The following ANKRD44 variants were observed in gnomAD, a reference collection of about 807,000 sequenced individuals.
The protein encoded by ANKRD44 is serine/threonine-protein phosphatase 6 regulatory ankyrin repeat subunit B.
Under a neutral mutation model 116.0 loss-of-function variants are expected in ANKRD44, and 35 were observed. That is an observed-to-expected ratio of 0.30 (90% CI 0.23 to 0.40). The LOEUF is 0.40. Among genes scored for constraint, ANKRD44 ranks in the 10% least tolerant of loss-of-function variants. The pLI, the probability that ANKRD44 is intolerant of heterozygous loss-of-function variation, is 1.00. For missense variants in ANKRD44, 1,014 were observed against 1,242.6 expected (o/e 0.82, Z 2.77); for synonymous variants, 435 against 461.8 (o/e 0.94, Z 0.74).
At position 197,194,152 on chromosome 2, in the gene ANKRD44, C is replaced by T. The variant is rs1574246825; in HGVS notation, c.28-7046G>A. ...CAACACCACCTCTAAAGCAGAGGGG[C>T]CCATCATATTGGGAGAGAAGCTTTT... On this transcript the variant is annotated intron_variant, in intron 1 of 27. Coordinates refer to ENST00000282272, the MANE Select transcript of ANKRD44 (RefSeq NM_001195144.2). 3.3e-5 allele frequency among the ~76,000 whole-genome samples: 5 copies of T among 152,252 alleles called. 1 individual carries two copies. Among genetic ancestry groups the T allele is most frequent in the Admixed American group, 3.3e-4 (5 of 15,302 alleles).
At chr2:197,133,664 C>T (rs1202910640) in intron 4 of ANKRD44, among the ~76,000 whole-genome samples, 1 of 152,176 alleles carries the variant, frequency 6.6e-6, no homozygotes, top group Non-Finnish European at 1.5e-5. Flanking sequence ...CAGCTGAAAC[C>T]ATATATCCAT....
rs897054588 is a variant in ANKRD44, at chr2:196,987,856, A to G, written c.*1735T>C. On this transcript the variant is annotated 3_prime_UTR_variant, in exon 28 of 28. Coordinates refer to ENST00000282272, the MANE Select transcript of ANKRD44 (RefSeq NM_001195144.2). Reference sequence around the variant, plus strand: ...TAAAAACACATTTTTTTTTCTTAGAAAGCTATGGTGCAAACATAATTTTAT... The same window carrying G: ...TAAAAACACATTTTTTTTTCTTAGAGAGCTATGGTGCAAACATAATTTTAT... The G allele has an allele frequency of 1.0e-6, 1 of 983,526 alleles. No homozygotes were observed. Among genetic ancestry groups the G allele is most frequent in the Non-Finnish European group, 1.2e-6 (1 of 828,208 alleles). The allele number at this position is 983,526 out of a possible 1,614,324, so 60.9% of individuals were successfully genotyped here. A position where few individuals can be genotyped will look rare whatever the true frequency, so the allele number is the denominator to read the frequency against.
In ANKRD44 at chr2:197,212,048, T is replaced by TCACA. The variant is rs769631031; in HGVS notation, c.28-24943_28-24942insTGTG. Among the ~76,000 whole-genome samples, 1,868 of 118,358 alleles carry TCACA rather than the reference T, an allele frequency of 0.016. 29 individuals carry two copies. Among genetic ancestry groups the TCACA allele is most frequent in the South Asian group, 0.054 (156 of 2,878 alleles). 77.6% of individuals were successfully genotyped at this position (118,358 alleles called of 152,430 possible). A position where few individuals can be genotyped will look rare whatever the true frequency, so the allele number is the denominator to read the frequency against. On this transcript the variant is annotated intron_variant, in intron 1 of 27. Coordinates refer to ENST00000282272, the MANE Select transcript of ANKRD44 (RefSeq NM_001195144.2). This position sits in a 1 kb window ranked among gnomAD's most constrained non-coding sequence, Gnocchi z 4.8. ...CTCTCTCTCTCTCTCAGTCTCTCTCTCTCTCACACACACACACACACACAC... is the reference window on the plus strand; with the variant it reads ...CTCTCTCTCTCTCTCAGTCTCTCTCTCACACTCTCACACACACACACACACACAC...
chr2:196,982,580 A>T (rs892150877), downstream of ANKRD44, among the ~76,000 whole-genome samples: 1 of 152,052 alleles, frequency 6.6e-6, no homozygotes, highest in African/African-American at 2.4e-5. Flanking sequence ...CCCAAACTCT[A>T]CTGTTTACTT....
Position 197,221,493 on chromosome 2 carries a change from G to A in ANKRD44, c.28-34387C>T, listed in dbSNP as rs569723052. Among the ~76,000 whole-genome samples the A allele has an allele frequency of 6.4e-4, 97 of 152,208 alleles. 4 individuals are homozygous for A. The South Asian group carries it at 8.7e-3, about 14-fold the overall frequency. On this transcript the variant is annotated intron_variant, in intron 1 of 27. Transcript: ENST00000282272. The stretch of plus-strand genomic sequence containing the variant: ...TCATCTCACTATGTTGCTTAGGCTG[G>A]AAATCTTTTTTAATGTAATATTTTA...
Position 197,122,726 on chromosome 2 carries a change from C to A in ANKRD44, c.617G>T (p.Gly206Val), listed in dbSNP as rs755287066. Residue 206 changes from glycine to valine, a missense_variant, in exon 7 of 28, where the codon GGT (glycine) becomes GTT (valine). Coordinates refer to ENST00000282272, the MANE Select transcript of ANKRD44 (RefSeq NM_001195144.2). ...GGCTGCAGCATGCAGAGGGGTATAA[C>A]CCTTCTTATCCTTACAGGTCACTTC... ...GAEVTCKDKK[G>V]YTPLHAAASN... The A allele has an allele frequency of 1.9e-6, 3 of 1,614,172 alleles. No homozygotes were observed. The highest frequency in any genetic ancestry group is 1.3e-5 in the African/African-American group (1 of 75,046).
intron 4 of ANKRD44, among the ~76,000 whole-genome samples, chr2:197,131,879 G>A (rs753617290): frequency 1.3e-5 from 2 of 152,108 alleles, no homozygotes; most frequent in South Asian, 2.1e-4. Flanking sequence ...TGTACATTTC[G>A]TTCCTTTCCC....
intron 1 of ANKRD44, 143 bp downstream of exon 1, chr2:197,310,435 G>A (rs2084217864): frequency 9.3e-6 from 4 of 430,444 alleles, no homozygotes; most frequent in Non-Finnish European, 1.2e-5. Flanking sequence ...GGCTCTCGGA[G>A]GCACCGGCGG....
intron 1 of ANKRD44, among the ~76,000 whole-genome samples, chr2:197,262,099 C>T (rs2082620590): frequency 6.6e-6 from 1 of 152,210 alleles, no homozygotes; most frequent in Non-Finnish European, 1.5e-5. Flanking sequence ...TATTCGCACA[C>T]TGTTATACAA....
intron 1 of ANKRD44, among the ~76,000 whole-genome samples, chr2:197,287,946 G>GGAGGCA (rs1182626985): frequency 7.3e-5 from 11 of 150,014 alleles, no homozygotes; most frequent in Non-Finnish European, 1.3e-4. Flanking sequence ...CTTGAACCCG[G>GGAGGCA]GAGGCAGAGG....
intron 16 of ANKRD44, among the ~76,000 whole-genome samples, chr2:197,066,965 C>A (rs370733009): frequency 6.6e-6 from 1 of 152,224 alleles, no homozygotes; most frequent in African/African-American, 2.4e-5. Flanking sequence ...AAAAAGAGCC[C>A]GCGTTGCCAA....
chr2:197,062,837 G>T (rs1559031710), intron 16 of ANKRD44, among the ~76,000 whole-genome samples: 1 of 152,238 alleles, frequency 6.6e-6, no homozygotes, highest in Non-Finnish European at 1.5e-5. Context: ...GAACTGGGTG[G>T]AGCCCACCAC....
chr2:197,038,219 T>G (rs2076842425), intron 16 of ANKRD44, among the ~76,000 whole-genome samples: 1 of 152,022 alleles, frequency 6.6e-6, no homozygotes, highest in Non-Finnish European at 1.5e-5. Flanking sequence ...TGGTGGAGGA[T>G]GATGATAATG....
At chr2:197,114,474 G>T (rs886337578) in intron 8 of ANKRD44, among the ~76,000 whole-genome samples, 3 of 152,196 alleles carry the variant, frequency 2.0e-5, no homozygotes, top group Admixed American at 2.0e-4. Context: ...TTTCAGGGCA[G>T]AACTCAGCAT....
At chr2:197,222,727 C>A (rs1316337444) in intron 1 of ANKRD44, among the ~76,000 whole-genome samples, 1 of 152,126 alleles carries the variant, frequency 6.6e-6, no homozygotes, top group South Asian at 2.1e-4. Context: ...TTCTCTTAAT[C>A]CTAATTTTTT....
At chr2:197,214,744 G>A (rs1482017579) in intron 1 of ANKRD44, among the ~76,000 whole-genome samples, 1 of 152,168 alleles carries the variant, frequency 6.6e-6, no homozygotes, top group Admixed American at 6.5e-5. Flanking sequence ...GAACACAGAA[G>A]CCTGCCAATC....
intron 1 of ANKRD44, among the ~76,000 whole-genome samples, chr2:197,267,154 T>C (rs2082763100): frequency 2.0e-5 from 3 of 152,370 alleles, no homozygotes; most frequent in South Asian, 4.1e-4. Context: ...TTAAAATGTA[T>C]AGTAGCATTC....
chr2:197,070,798 A>C (rs1224030503), intron 16 of ANKRD44, among the ~76,000 whole-genome samples: 1 of 152,156 alleles, frequency 6.6e-6, no homozygotes, highest in Non-Finnish European at 1.5e-5. Flanking sequence ...TTTCCAGAAA[A>C]GACTGTGTAG....
intron 1 of ANKRD44, chr2:197,251,012 CTT>C (rs1559186294): frequency 6.6e-6 from 1 of 152,136 alleles, no homozygotes; most frequent in African/African-American, 2.4e-5. Flanking sequence ...AAGAAAAACT[CTT>C]GTTAACAAGC....
Sources: allele counts gnomAD v4.1 joint callset (sites outside exome capture counted in the v4.1 genomes callset), GRCh38; gene constraint gnomAD v4.1.1; non-coding constraint Gnocchi (gnomAD v3.1); transcripts MANE v1.5; gene names NCBI Gene and HGNC (gene_info 2026-07-23, HGNC 2026-07-21).